The following SYNPR variants were observed in gnomAD, a reference collection of about 807,000 sequenced individuals.
SYNPR encodes synaptoporin.
Under a neutral mutation model 32.9 loss-of-function variants are expected in SYNPR, and 23 were observed. That is an observed-to-expected ratio of 0.70 (90% confidence interval 0.50 to 0.99). The LOEUF is 0.99. SYNPR is among the 50% of genes least tolerant of loss of function. The probability of loss-of-function intolerance (pLI) is 0.00; values close to 1 mark genes in which losing one functional copy is unlikely to be tolerated. For missense variants in SYNPR, 318 were observed against 349.3 expected, an observed-to-expected ratio of 0.91 and a Z score of 0.71; for synonymous variants, 146 against 135.9, an observed-to-expected ratio of 1.07 and a Z score of -0.52.
chr3:63,398,448 C>T (rs1031385990), intron 2 of SYNPR, among the ~76,000 whole-genome samples: 6 of 151,906 alleles, frequency 3.9e-5, no homozygotes, highest in Non-Finnish European at 8.8e-5. Flanking sequence ...TGGCCAGGCG[C>T]GGTGGCTCAC....
intron 3 of SYNPR, among the ~76,000 whole-genome samples, chr3:63,488,684 CATT>C (rs141614974): frequency 0.026 from 3,916 of 152,136 alleles, 154 homozygotes; most frequent in African/African-American, 0.089. Context: ...GAGTTGCTAT[CATT>C]GTTGTTGTTG....
chr3:63,340,585 A>C (rs1215599079), intron 2 of SYNPR, among the ~76,000 whole-genome samples: 1 of 151,240 alleles, frequency 6.6e-6, no homozygotes, highest in Admixed American at 6.6e-5. Context: ...ACGCCCGGCT[A>C]ATTTTTTGTA....
intron 3 of SYNPR, among the ~76,000 whole-genome samples, chr3:63,512,324 C>T (rs1701712645): frequency 6.6e-6 from 1 of 152,102 alleles, no homozygotes; most frequent in Admixed American, 6.6e-5. Context: ...CCTGGGTTTA[C>T]TCTAGATTTG....
chr3:63,523,379 A>G (rs1354075838), intron 3 of SYNPR, among the ~76,000 whole-genome samples: 1 of 152,094 alleles, frequency 6.6e-6, no homozygotes, highest in Non-Finnish European at 1.5e-5. Context: ...TTAAGGGATT[A>G]TTCCTGGTCC....
At chr3:63,524,844 T>TGCGCGC (rs775532834) in intron 3 of SYNPR, among the ~76,000 whole-genome samples, 2 of 148,534 alleles carry the variant, frequency 1.3e-5, no homozygotes, top group Non-Finnish European at 3.0e-5. Context: ...TGTGTGTGTG[T>TGCGCGC]GTGTGTGCAT....
In SYNPR at chr3:63,442,204, A is replaced by AAG. The variant is rs1700191050; in HGVS notation, c.85-38628_85-38627insAG. Among the ~76,000 whole-genome samples, 5 of 137,734 alleles carry AAG rather than the reference A, an allele frequency of 3.6e-5. No individual in the cohort carries two copies. In the East Asian group the frequency reaches 6.1e-4, roughly 17 times the overall value. 90.4% of individuals were successfully genotyped at this position (137,734 alleles called of 152,430 possible). A position where few individuals can be genotyped will look rare whatever the true frequency, so the allele number is the denominator to read the frequency against. Reference sequence around the variant, plus strand: ...GTGTGTGTGCACGCATGAAAGAGAGAGAGAGAAGGAGACAGAGATACAAAG... The same window carrying AAG: ...GTGTGTGTGCACGCATGAAAGAGAGAAGGAGAGAAGGAGACAGAGATACAAAG... On this transcript the variant is annotated intron_variant, in intron 2 of 5. Transcript: ENST00000478300.
Position 63,480,948 on chromosome 3 carries a change from C to T in SYNPR, c.201C>T (p.Tyr67=), listed in dbSNP as rs563678334. Residue 67 remains tyrosine, a synonymous_variant, in exon 3 of 6, where the codon TAC becomes TAT. Transcript: ENST00000478300. ...TCAGCATCGACATAGCGTTTGCCTA[C>T]CCATTCAGGTAGGGAATGGTGGTTC... ...SNLSIDIAFA[Y]PFRLHQVTFE... is the part of the protein sequence containing the mutation. 1.0e-4 allele frequency: 165 copies of T among 1,611,916 alleles called. No individual in the cohort carries two copies. Among genetic ancestry groups the T allele is most frequent in the Non-Finnish European group, 1.4e-4 (160 of 1,178,672 alleles).
intron 2 of SYNPR, among the ~76,000 whole-genome samples, chr3:63,391,372 C>A (rs2088135352): frequency 6.6e-6 from 1 of 152,184 alleles, no homozygotes; most frequent in Non-Finnish European, 1.5e-5. Context: ...TAATGGGCAT[C>A]CACTGAGCAT....
chr3:63,256,950 A>C (rs1223487994), intron 2 of SYNPR, among the ~76,000 whole-genome samples: 1 of 152,246 alleles, frequency 6.6e-6, no homozygotes, highest in East Asian at 1.9e-4. Context: ...AATTCGATCA[A>C]CTGGAAGAAA....
intron 2 of SYNPR, among the ~76,000 whole-genome samples, chr3:63,306,137 A>C (rs894643363): frequency 2.0e-5 from 3 of 151,958 alleles, no homozygotes; most frequent in Admixed American, 6.6e-5. Context: ...TAAGAGTAAC[A>C]TTTGTACCTT....
chr3:63,555,037 T>C (rs565885702), intron 3 of SYNPR, among the ~76,000 whole-genome samples: 1 of 152,214 alleles, frequency 6.6e-6, no homozygotes, highest in African/African-American at 2.4e-5. Flanking sequence ...TGTATAGAAA[T>C]GCTACTGATT....
At chr3:63,209,575 C>T in the SYNPR span, among the ~76,000 whole-genome samples, 1 of 152,096 alleles carries the variant, frequency 6.6e-6, no homozygotes, top group African/African-American at 2.4e-5. Flanking sequence ...AGGGTTTAGC[C>T]GTATTGCCTT....
At chr3:63,568,300 T>G (rs78914460) in intron 4 of SYNPR, among the ~76,000 whole-genome samples, 3,014 of 152,330 alleles carry the variant, frequency 0.02, 116 homozygotes, top group African/African-American at 0.068. Context: ...ATATTGAGTG[T>G]GATCCAGAGA....
intron 2 of SYNPR, among the ~76,000 whole-genome samples, chr3:63,437,927 G>T (rs986388592): frequency 6.6e-6 from 1 of 152,142 alleles, no homozygotes; most frequent in African/African-American, 2.4e-5. Flanking sequence ...CAGCCTGCTG[G>T]GACACAGATT....
At chr3:63,487,008 A>G (rs1252783070) in intron 3 of SYNPR, among the ~76,000 whole-genome samples, 1 of 152,228 alleles carries the variant, frequency 6.6e-6, no homozygotes, top group African/African-American at 2.4e-5. Context: ...AGATCAGCCC[A>G]TCCCAAATAT....
At chr3:63,590,436 AC>A in intron 4 of SYNPR, among the ~76,000 whole-genome samples, 1 of 48,790 alleles carries the variant, frequency 2.0e-5, no homozygotes, top group Non-Finnish European at 3.6e-5. Flanking sequence ...GACTTTCTTC[AC>A]AGAATTGGAA....
intron 3 of SYNPR, among the ~76,000 whole-genome samples, chr3:63,270,209 C>A (rs936887277): frequency 6.6e-6 from 1 of 152,074 alleles, no homozygotes; most frequent in Non-Finnish European, 1.5e-5. Context: ...CAAAGTACTG[C>A]CTTATTACAA....
intron 4 of SYNPR, among the ~76,000 whole-genome samples, chr3:63,606,464 C>G (rs1288669258): frequency 2.0e-4 from 22 of 112,656 alleles, no homozygotes; most frequent in Non-Finnish European, 3.5e-4. Flanking sequence ...ATCCTGTTGC[C>G]CAGGCTGAAC....
At chr3:63,508,082 A>G (rs1260182290) in intron 3 of SYNPR, among the ~76,000 whole-genome samples, 2 of 152,262 alleles carry the variant, frequency 1.3e-5, no homozygotes, top group Non-Finnish European at 2.9e-5. Flanking sequence ...CAAAATCCAG[A>G]TTCAATTCAG....
Sources: gnomAD v4.1 joint callset for allele counts (sites outside exome capture counted in the v4.1 genomes callset) on GRCh38, gnomAD v4.1.1 for gene constraint, MANE v1.5 for transcripts, NCBI Gene and HGNC (gene_info 2026-07-23, HGNC 2026-07-21) for gene names.